FLRT2: variants seen among roughly 807,000 people sequenced by gnomAD.
The protein encoded by FLRT2 is fibronectin leucine rich transmembrane protein 2.
Under a neutral mutation model 40.0 loss-of-function variants are expected in FLRT2, and 15 were observed. The ratio of observed to expected loss-of-function variants is 0.38; its 90% CI spans 0.25 to 0.58. The LOEUF (loss-of-function observed/expected upper bound fraction) is 0.58. Ranked by LOEUF, FLRT2 falls within the 20% of genes least tolerant of loss-of-function variation. FLRT2 has a pLI of 0.71. For missense variants in FLRT2, 726 were observed against 840.0 expected (o/e 0.86, Z 1.68); for synonymous variants, 380 against 336.8 (o/e 1.13, Z -1.41).
At chr14:85,606,693 T>C (rs1289825689) in intron 1 of FLRT2, among the ~76,000 whole-genome samples, 1 of 150,936 alleles carries the variant, frequency 6.6e-6, no homozygotes, top group African/African-American at 2.4e-5. Context: ...CCCAGCTAAT[T>C]TTTGTATTTT....
At chr14:85,542,288 A>C (rs919567687) in intron 1 of FLRT2, among the ~76,000 whole-genome samples, 4 of 152,136 alleles carry the variant, frequency 2.6e-5, no homozygotes, top group Non-Finnish European at 4.4e-5. Context: ...GTTATTTTTC[A>C]TTTATCATTA....
At chr14:85,614,594 A>T (rs1056593882) in intron 1 of FLRT2, among the ~76,000 whole-genome samples, 1 of 152,190 alleles carries the variant, frequency 6.6e-6, no homozygotes, top group Non-Finnish European at 1.5e-5. Flanking sequence ...AACGTTAGTG[A>T]CTAATCATCA....
intron 1 of FLRT2, among the ~76,000 whole-genome samples, chr14:85,545,984 GT>G (rs1242189962): frequency 6.6e-6 from 1 of 152,162 alleles, no homozygotes; most frequent in African/African-American, 2.4e-5. Context: ...AGCTTCACTG[GT>G]TTTCAAAATC....
intron 1 of FLRT2, among the ~76,000 whole-genome samples, chr14:85,556,142 G>C (rs556825947): frequency 2.6e-5 from 4 of 152,124 alleles, no homozygotes; most frequent in Non-Finnish European, 5.9e-5. Context: ...AAGCAGTGCT[G>C]TCTGGACATT....
rs1894151789 is a variant in FLRT2 at position 85,641,611 on chromosome 14, A to G, written c.*18114A>G. ...CTGATTTATTCCCCTCCCCTTTCCA[A>G]TTCATTCCCTGATTTTGTGCACACC... On this transcript the variant is annotated 3_prime_UTR_variant, in exon 2 of 2. Coordinates refer to ENST00000330753, the MANE Select transcript of FLRT2 (RefSeq NM_013231.6). 6.6e-6 allele frequency: 1 copy of G among 152,212 alleles called. No individual in the cohort carries two copies. Among genetic ancestry groups the G allele is most frequent in the South Asian group, 2.1e-4 (1 of 4,834 alleles). 9.4% of individuals were successfully genotyped at this position (152,212 alleles called of 1,614,324 possible). A position where few individuals can be genotyped will look rare whatever the true frequency, so the allele number is the denominator to read the frequency against.
In FLRT2 at chr14:85,642,879, T is replaced by A. The variant is rs1398478862; in HGVS notation, c.*19382T>A. 6.6e-6 allele frequency: 1 copy of A among 152,210 alleles called. No homozygotes were observed. Among genetic ancestry groups the A allele is most frequent in the Non-Finnish European group, 1.5e-5 (1 of 68,040 alleles). 9.4% of individuals were successfully genotyped at this position (152,210 alleles called of 1,614,324 possible). On this transcript the variant is annotated 3_prime_UTR_variant, in exon 2 of 2. Transcript: ENST00000330753. ...ATAGGTTGTATATTTATTAGTCAGT[T>A]TGGACTGCTGTAACAAAAATACCAT...
At chr14:85,579,669 G>A (rs890860542) in intron 1 of FLRT2, among the ~76,000 whole-genome samples, 2 of 152,142 alleles carry the variant, frequency 1.3e-5, no homozygotes, top group African/African-American at 2.4e-5. Flanking sequence ...TGCAAACACT[G>A]ATATTCTTAA....
In FLRT2 at chr14:85,538,577, C is replaced by A. The variant is rs1888808004; in HGVS notation, c.-377+8043C>A. ...TATATTTCAGTTCTCTTTATTAGAG[C>A]TTTCAAGACACAGATAAAAGAATCT... On this transcript the variant is annotated intron_variant, in intron 1 of 1. Transcript: ENST00000330753. 5.9e-5 allele frequency among the ~76,000 whole-genome samples: 9 copies of A among 152,148 alleles called. 1 individual carries two copies. The South Asian group carries it at 1.9e-3, about 32-fold the overall frequency.
chr14:85,589,003 T>C (rs1462346583), intron 1 of FLRT2, among the ~76,000 whole-genome samples: 7 of 152,204 alleles, frequency 4.6e-5, no homozygotes, highest in African/African-American at 1.7e-4. Flanking sequence ...CATTCATCTG[T>C]TGATGGACAC....
intron 1 of FLRT2, among the ~76,000 whole-genome samples, chr14:85,591,498 TG>T (rs1891883597): frequency 6.6e-6 from 1 of 152,236 alleles, no homozygotes; most frequent in South Asian, 2.1e-4. Flanking sequence ...CTTGTGGGAA[TG>T]CCTTTTCCCA....
In FLRT2 at chr14:85,632,507, A is replaced by T. The variant is rs1369443318; in HGVS notation, c.*9010A>T. On this transcript the variant is annotated 3_prime_UTR_variant, in exon 2 of 2. Coordinates refer to ENST00000330753, the MANE Select transcript of FLRT2 (RefSeq NM_013231.6). ...AATCACCTTGCAACAAAATATCGCCATCATGAAAAGTCCACAAAGCACAAG... is the reference window on the plus strand; with the variant it reads ...AATCACCTTGCAACAAAATATCGCCTTCATGAAAAGTCCACAAAGCACAAG... The T allele has an allele frequency of 6.6e-6, 1 of 151,228 alleles. No homozygotes were observed. Among genetic ancestry groups the T allele is most frequent in the East Asian group, 2.0e-4 (1 of 5,106 alleles). The allele number at this position is 151,228 out of a possible 1,614,324, so 9.4% of individuals were successfully genotyped here.
intron 1 of FLRT2, among the ~76,000 whole-genome samples, chr14:85,557,321 A>C (rs1890033527): frequency 6.6e-6 from 1 of 152,204 alleles, no homozygotes; most frequent in South Asian, 2.1e-4. Flanking sequence ...CTTAAGAGCA[A>C]GGTTCATATC....
chr14:85,533,299 G>T (rs2139794045), intron 1 of FLRT2, among the ~76,000 whole-genome samples: 1 of 152,178 alleles, frequency 6.6e-6, no homozygotes. Context: ...AGGAGGGGTA[G>T]GGGTGGGGGC....
Position 85,631,207 on chromosome 14 carries a change from G to C in FLRT2, c.*7710G>C, listed in dbSNP as rs1467861971. 6.8e-6 allele frequency: 1 copy of C among 146,118 alleles called. No individual in the cohort carries two copies. The highest frequency in any genetic ancestry group is 1.5e-5 in the Non-Finnish European group (1 of 67,344). The allele number at this position is 146,118 out of a possible 1,614,324, so 9.1% of individuals were successfully genotyped here. On this transcript the variant is annotated 3_prime_UTR_variant, in exon 2 of 2. Transcript: ENST00000330753. ...TTCAAACCACTATATATGTGCTCAA[G>C]GTCTTTCATCCTGTGACATTCCCCT...
At chr14:85,549,729 C>A (rs1450536437) in intron 1 of FLRT2, among the ~76,000 whole-genome samples, 1 of 147,398 alleles carries the variant, frequency 6.8e-6, no homozygotes, top group Admixed American at 6.8e-5. Context: ...TGCCACACTT[C>A]AAGTACTAGC....
chr14:85,559,570 T>C (rs1431505276), intron 1 of FLRT2, among the ~76,000 whole-genome samples: 1 of 152,220 alleles, frequency 6.6e-6, no homozygotes, highest in South Asian at 2.1e-4. Context: ...ATTGTATGTA[T>C]GTCATATATG....
At chr14:85,541,062 G>A (rs866572542) in intron 1 of FLRT2, among the ~76,000 whole-genome samples, 2 of 152,216 alleles carry the variant, frequency 1.3e-5, no homozygotes, top group African/African-American at 4.8e-5. Context: ...TAGCACATAT[G>A]TCCTTAATAT....
At chr14:85,585,706 G>A (rs752832060) in intron 1 of FLRT2, among the ~76,000 whole-genome samples, 20 of 152,002 alleles carry the variant, frequency 1.3e-4, no homozygotes, top group Admixed American at 3.9e-4. Flanking sequence ...ATGAAGATGG[G>A]TGAACCTTGT....
At chr14:85,550,717 G>T (rs1443574239) in intron 1 of FLRT2, among the ~76,000 whole-genome samples, 2 of 150,240 alleles carry the variant, frequency 1.3e-5, no homozygotes, top group Non-Finnish European at 2.9e-5. Context: ...AAAAGATAAA[G>T]AAGGATCTAT....
Sources: gnomAD v4.1 joint callset for allele counts (sites outside exome capture counted in the v4.1 genomes callset) on GRCh38, gnomAD v4.1.1 for gene constraint, MANE v1.5 for transcripts, NCBI Gene and HGNC (gene_info 2026-07-23, HGNC 2026-07-21) for gene names.